IFT140: variants seen among roughly 807,000 people sequenced by gnomAD.
IFT140 encodes intraflagellar transport protein 140 homolog.
Under a neutral mutation model 164.6 loss-of-function variants are expected in IFT140, and 133 were observed. That is an observed-to-expected ratio of 0.81 (90% CI 0.70 to 0.93). The LOEUF is 0.93. Ranked by LOEUF, IFT140 falls within the 40% of genes least tolerant of loss-of-function variation. The pLI, the probability that IFT140 is intolerant of heterozygous loss-of-function variation, is 0.00. For synonymous variants in IFT140, 860 were observed against 817.3 expected, an observed-to-expected ratio of 1.05 and a Z score of -0.89; for missense variants, 2,045 against 1,972.3, an observed-to-expected ratio of 1.04 and a Z score of -0.70.
chr16:1,596,038 AGAGT>A (rs2035447046), intron 4 of IFT140, among the ~76,000 whole-genome samples: 3 of 152,238 alleles, frequency 2.0e-5, no homozygotes, highest in Admixed American at 1.3e-4. Flanking sequence ...CCTGGGTGAC[AGAGT>A]GAGGCTCCGT....
In IFT140 at chr16:1,584,253, G is replaced by T. The variant is rs1383240852; in HGVS notation, c.1323C>A (p.Arg441=). ...FLSTGVAHSL[R]TDMHISGVFA... is the part of the protein sequence containing the mutation. Reference sequence around the variant, plus strand: ...ACACTCCACTGATGTGCATGTCGGTGCGCAGGCTGTGTGCGACCCCCGTGG... The same window carrying T: ...ACACTCCACTGATGTGCATGTCGGTTCGCAGGCTGTGTGCGACCCCCGTGG... Residue 441 remains arginine (R), a synonymous_variant, in exon 11 of 31, where the codon CGC becomes CGA. Coordinates refer to ENST00000426508, the MANE Select transcript of IFT140 (RefSeq NM_014714.4). 1.2e-6 allele frequency: 2 copies of T among 1,613,634 alleles called. No homozygotes were observed. The highest frequency in any genetic ancestry group is 1.3e-5 in the African/African-American group (1 of 74,882).
chr16:1,550,951 G>A (rs945885954), intron 19 of IFT140, among the ~76,000 whole-genome samples: 5 of 152,178 alleles, frequency 3.3e-5, no homozygotes, highest in African/African-American at 4.8e-5. Flanking sequence ...GGGTCCTTGG[G>A]AATCGTGCTG....
At chr16:1,589,124 C>T (rs552580904) in intron 7 of IFT140, among the ~76,000 whole-genome samples, 77 of 152,324 alleles carry the variant, frequency 5.1e-4, no homozygotes, top group African/African-American at 1.8e-3. Flanking sequence ...CATGTAAAGG[C>T]CCGAATGAAC....
rs1044378938 is a variant in IFT140, at chr16:1,568,398, C to G, written c.1653-64G>C. The stretch of plus-strand genomic sequence containing the variant: ...CCCAGTTCCCAATTCTCCGCCCACC[C>G]TGAAACCTCTGTTCACCGGATGAGT... On this transcript the variant is annotated intron_variant, in intron 14 of 30. Transcript: ENST00000426508. 10 of 1,283,552 alleles carry G rather than the reference C, an allele frequency of 7.8e-6. No homozygotes were observed. In the African/African-American group the frequency reaches 1.5e-4, roughly 19 times the overall value. The allele number at this position is 1,283,552 out of a possible 1,614,324, so 79.5% of individuals were successfully genotyped here. A position where few individuals can be genotyped will look rare whatever the true frequency, so the allele number is the denominator to read the frequency against.
rs770674501 is a variant in IFT140 at position 1,525,910 on chromosome 16, G to T, written c.2745C>A (p.Ala915=). Residue 915 remains alanine, a synonymous_variant, in exon 21 of 31, where the codon GCC becomes GCA. Coordinates refer to ENST00000426508, the MANE Select transcript of IFT140 (RefSeq NM_014714.4). ...ACTAACTGAGGGCCCGGCTGCAGTC[G>T]GCGCTGGCCTCCAGGTGCCCGGCAT... ...HRYAGHLEAS[A]DCSRALSYYE... 6 of 1,555,510 alleles carry T rather than the reference G, an allele frequency of 3.9e-6. No individual in the cohort carries two copies. The highest frequency in any genetic ancestry group is 3.5e-6 in the Non-Finnish European group (4 of 1,151,736).
intron 19 of IFT140, chr16:1,534,241 C>T (rs1014944171): frequency 1.2e-6 from 2 of 1,605,216 alleles, no homozygotes; most frequent in Admixed American, 3.4e-5. Context: ...TGGGACTTGG[C>T]TTTCTCCGGA....
At chr16:1,544,239 C>A (rs886493946) in intron 19 of IFT140, among the ~76,000 whole-genome samples, 38 of 148,198 alleles carry the variant, frequency 2.6e-4, no homozygotes, top group Admixed American at 1.4e-3. Flanking sequence ...GCTGGAGTGC[C>A]GTGGCACAAT....
Position 1,592,244 on chromosome 16 carries a change from C to T in IFT140, c.566G>A (p.Ser189Asn), listed in dbSNP as rs750112852. Residue 189 changes from serine (S) to asparagine (N), a missense_variant, in exon 6 of 31, where the codon AGC becomes AAC. By Grantham distance (46) the Ser-to-Asn change is conservative (BLOSUM62 1). Transcript: ENST00000426508. Reference sequence around the variant, plus strand: ...CATCTTCAGCAAACTTCCAGAACTGCTCTTCTTCCAGTTAAACATGTCCAG... The same window carrying T: ...CATCTTCAGCAAACTTCCAGAACTGTTCTTCTTCCAGTTAAACATGTCCAG... ...KALDMFNWKK[S>N]SSGSLLKMGS... 33 of 1,614,228 alleles carry T rather than the reference C, an allele frequency of 2.0e-5. No individual in the cohort carries two copies. Among genetic ancestry groups the T allele is most frequent in the Non-Finnish European group, 2.8e-5 (33 of 1,180,052 alleles).
intron 30 of IFT140, among the ~76,000 whole-genome samples, chr16:1,516,518 C>T (rs2040348610): frequency 6.6e-6 from 1 of 151,836 alleles, no homozygotes; most frequent in African/African-American, 2.4e-5. Context: ...GCCTGTAATC[C>T]CAGCACTTTG....
chr16:1,572,169 T>C (rs2034054662), intron 13 of IFT140, among the ~76,000 whole-genome samples: 1 of 152,158 alleles, frequency 6.6e-6, no homozygotes, highest in South Asian at 2.1e-4. Context: ...GTCAGCCAGG[T>C]GGGCAGAGGC....
At chr16:1,583,472 T>G in intron 11 of IFT140, 86 bp from the exon 12 acceptor site, 3 of 1,023,530 alleles carry the variant, frequency 2.9e-6, no homozygotes, top group Non-Finnish European at 4.5e-6. Flanking sequence ...GAAAGCCTCC[T>G]CTAAACACTT....
At chr16:1,534,212 T>C in intron 19 of IFT140, 1 of 1,590,654 alleles carries the variant, frequency 6.3e-7, no homozygotes, top group Non-Finnish European at 8.5e-7. Context: ...CGGCTCTCCC[T>C]GGACGTGCGG....
chr16:1,535,885 G>C (rs1477953089), intron 19 of IFT140, among the ~76,000 whole-genome samples: 2 of 152,258 alleles, frequency 1.3e-5, no homozygotes, highest in African/African-American at 4.8e-5. Context: ...TCAGAACTCG[G>C]TGTCTTATGG....
Position 1,602,607 on chromosome 16 carries a change from G to A in IFT140, c.148-16C>T, listed in dbSNP as rs565382217. Reference sequence around the variant, plus strand: ...CGCACTCCCCCTGCATTGGATGAGAGGCAAATTCCCACAGTTCAGAGAGGG... The same window carrying A: ...CGCACTCCCCCTGCATTGGATGAGAAGCAAATTCCCACAGTTCAGAGAGGG... On this transcript the variant is annotated splice_polypyrimidine_tract_variant and intron_variant, in intron 3 of 30. Transcript: ENST00000426508. 1 of 1,606,404 alleles carries A rather than the reference G, an allele frequency of 6.2e-7. No individual in the cohort carries two copies. The highest frequency in any genetic ancestry group is 8.5e-7 in the Non-Finnish European group (1 of 1,178,200).
At chr16:1,600,675 G>A (rs533700601) in intron 4 of IFT140, among the ~76,000 whole-genome samples, 5 of 152,200 alleles carry the variant, frequency 3.3e-5, no homozygotes, top group African/African-American at 9.6e-5. Context: ...ACCAGGATAC[G>A]CTGTAAAATG....
chr16:1,529,187 C>T lies in IFT140; in HGVS notation c.2400-2391G>A, dbSNP rs9934216. ...ACGGACGCATTCCACCACCCAGGGA[C>T]GCAGGGCGGGCAGGTGCATGTGTCT... On this transcript the variant is annotated intron_variant, in intron 19 of 30. Coordinates refer to ENST00000426508, the MANE Select transcript of IFT140 (RefSeq NM_014714.4). Among the ~76,000 whole-genome samples, 186 of 152,336 alleles carry T rather than the reference C, an allele frequency of 1.2e-3. 2 individuals are homozygous for T. The highest frequency in any genetic ancestry group is 8.5e-3 in the South Asian group (41 of 4,834).
intron 19 of IFT140, among the ~76,000 whole-genome samples, chr16:1,529,900 A>G (rs1383232338): frequency 6.6e-6 from 1 of 152,142 alleles, no homozygotes; most frequent in African/African-American, 2.4e-5. Context: ...CAGGGGTCAC[A>G]TCTGAATCTC....
chr16:1,594,763 A>G (rs2941956), intron 4 of IFT140, among the ~76,000 whole-genome samples: 21,757 of 152,140 alleles, frequency 0.14, 2,757 homozygotes, highest in African/African-American at 0.34. Context: ...GTTAGGCGGC[A>G]CCCAGGGGCA....
chr16:1,511,194 A>G (rs1284598540), intron 30 of IFT140, 44 bp from the exon 31 acceptor site: 1 of 1,518,854 alleles, frequency 6.6e-7, no homozygotes, highest in Non-Finnish European at 9.0e-7. Flanking sequence ...CTGAACAACC[A>G]GGCACGACCC....
Sources: allele counts gnomAD v4.1 joint callset (sites outside exome capture counted in the v4.1 genomes callset), GRCh38; gene constraint gnomAD v4.1.1; transcripts MANE v1.5; gene names NCBI Gene and HGNC (gene_info 2026-07-23, HGNC 2026-07-21).